The following KANSL3 variants were observed in gnomAD, a reference collection of about 807,000 sequenced individuals.
KANSL3 encodes KAT8 regulatory NSL complex subunit 3, also known as NSL complex protein NSL3.
In KANSL3, 16 loss-of-function variants were observed where a neutral mutation model predicts 89.2. That is an observed-to-expected ratio of 0.18 (90% CI 0.12 to 0.27). The LOEUF (loss-of-function observed/expected upper bound fraction) is 0.27. Ranked by LOEUF, KANSL3 falls within the 10% of genes least tolerant of loss-of-function variation. KANSL3 has a pLI of 1.00. For synonymous variants in KANSL3, 385 were observed against 419.7 expected (o/e 0.92, Z 1.01); for missense variants, 879 against 1,110.6 (o/e 0.79, Z 2.96).
Position 96,610,915 on chromosome 2 carries a change from C to G in KANSL3, c.1162-32G>C, listed in dbSNP as rs2068813131. On this transcript the variant is annotated intron_variant, in intron 10 of 20. Coordinates refer to ENST00000431828, the MANE Select transcript of KANSL3 (RefSeq NM_001115016.3). ...CAGGTATAGGTTTTAGAATCGGCTT[C>G]TTCATATTCACAAAGCACTGACCCA... 2.5e-6 allele frequency: 4 copies of G among 1,608,138 alleles called. No individual in the cohort carries two copies. In the African/African-American group the frequency reaches 5.4e-5, roughly 22 times the overall value.
At chr2:96,589,069 A>G (rs906254947), downstream of KANSL3, among the ~76,000 whole-genome samples, 1 of 152,214 alleles carries the variant, frequency 6.6e-6, no homozygotes, top group African/African-American at 2.4e-5. Flanking sequence ...CTAAAAAACT[A>G]TACAAGGAGA....
At chr2:96,598,938 A>G (rs1182612977) in intron 20 of KANSL3, among the ~76,000 whole-genome samples, 1 of 150,810 alleles carries the variant, frequency 6.6e-6, no homozygotes, top group Non-Finnish European at 1.5e-5. Context: ...AAAAAAAAGG[A>G]AATGTTTATC....
In KANSL3 at chr2:96,619,522, C is replaced by T; in HGVS notation, c.500G>A (p.Arg167His). Residue 167 changes from arginine to histidine, a missense_variant, in exon 5 of 21, where the codon CGC becomes CAC. By Grantham distance (29) the Arg-to-His change is conservative (BLOSUM62 0). This residue lies in a region of KANSL3 where 210 missense variants were observed against 311.9 expected (regional missense o/e 0.67). Coordinates refer to ENST00000431828, the MANE Select transcript of KANSL3 (RefSeq NM_001115016.3). ...NEGACNEPVLRRVAVDKCARR... is the reference protein window; with the variant it reads ...NEGACNEPVLHRVAVDKCARR... Reference sequence around the variant, plus strand: ...TGCACACTTGTCCACAGCAACACGGCGCAGCACTGGCTCATTACAAGCCTG... The same window carrying T: ...TGCACACTTGTCCACAGCAACACGGTGCAGCACTGGCTCATTACAAGCCTG... The T allele has an allele frequency of 6.2e-7, 1 of 1,613,900 alleles. No homozygotes were observed. Among genetic ancestry groups the T allele is most frequent in the Non-Finnish European group, 8.5e-7 (1 of 1,179,806 alleles).
the KANSL3 span, among the ~76,000 whole-genome samples, chr2:96,581,423 C>CAA: frequency 9.2e-6 from 1 of 108,878 alleles, no homozygotes. Flanking sequence ...GACTCCATCT[C>CAA]AAAAAAAAAA....
At position 96,602,226 on chromosome 2, in the gene KANSL3, G is replaced by A; in HGVS notation, c.2372C>T (p.Ala791Val). 6.2e-7 allele frequency: 1 copy of A among 1,610,662 alleles called. No individual in the cohort carries two copies. The highest frequency in any genetic ancestry group is 1.1e-5 in the South Asian group (1 of 90,072). The change falls in exon 19 of 21, where the codon GCC (alanine) becomes GTC (valine). Residue 791 changes from alanine (A) to valine (V), a missense_variant. Around this residue, in one of 6 missense-constraint regions of KANSL3, gnomAD observed 89 missense variants for 139.7 expected, o/e 0.64. Coordinates refer to ENST00000431828, the MANE Select transcript of KANSL3 (RefSeq NM_001115016.3). ...PVATTLSSLG[A>V]TPGGKPTAIH... ...GGCTGTGGGCTTCCCACCAGGAGTG[G>A]CACCCAAGGAGGAGAGAGTGGTGGC...
At chr2:96,633,943 G>C (rs1349575734) in intron 2 of KANSL3, among the ~76,000 whole-genome samples, 1 of 152,198 alleles carries the variant, frequency 6.6e-6, no homozygotes, top group Non-Finnish European at 1.5e-5. Flanking sequence ...ACACGTGGCG[G>C]CAGTTACCAC....
At chr2:96,591,049 T>C (rs573364752), downstream of KANSL3, among the ~76,000 whole-genome samples, 26 of 152,262 alleles carry the variant, frequency 1.7e-4, no homozygotes, top group African/African-American at 5.3e-4. Flanking sequence ...ATTGCCACAG[T>C]AGCTTTATCT....
At chr2:96,637,335 T>C in intron 1 of KANSL3, 150 bp from the exon 2 acceptor site, 3 of 474,668 alleles carry the variant, frequency 6.3e-6, no homozygotes, top group Non-Finnish European at 3.7e-6. Flanking sequence ...GTTCGTGGAA[T>C]CCCACACCAA....
downstream of KANSL3, among the ~76,000 whole-genome samples, chr2:96,589,761 A>G (rs2066260771): frequency 6.6e-6 from 1 of 152,150 alleles, no homozygotes; most frequent in South Asian, 2.1e-4. Flanking sequence ...CACAGAATAC[A>G]TACCAAGATA....
rs149746491 is a variant in KANSL3 at position 96,614,225 on chromosome 2, T to C, written c.664-606A>G. Among the ~76,000 whole-genome samples, 71 of 152,262 alleles carry C rather than the reference T, an allele frequency of 4.7e-4. No homozygotes were observed. In the East Asian group the frequency reaches 0.01, roughly 22 times the overall value. The stretch of plus-strand genomic sequence containing the variant: ...CTTGTTTCTCAGCCTCCCAAGTAGC[T>C]GAGATTACAGGCGTGCACCACCATA... On this transcript the variant is annotated intron_variant, in intron 5 of 20. Coordinates refer to ENST00000431828, the MANE Select transcript of KANSL3 (RefSeq NM_001115016.3).
intron 3 of KANSL3, among the ~76,000 whole-genome samples, chr2:96,624,663 A>G (rs1023641025): frequency 6.6e-6 from 1 of 152,100 alleles, no homozygotes; most frequent in Non-Finnish European, 1.5e-5. Context: ...CTAGGACTAC[A>G]GGTGCCCGCC....
At position 96,595,211 on chromosome 2, in the gene KANSL3, T is replaced by A. The variant is rs958728472; in HGVS notation, c.*400A>T. 1 of 162,990 alleles carries A rather than the reference T, an allele frequency of 6.1e-6. No individual in the cohort carries two copies. Among genetic ancestry groups the A allele is most frequent in the Non-Finnish European group, 1.3e-5 (1 of 74,790 alleles). 10.1% of individuals were successfully genotyped at this position (162,990 alleles called of 1,614,324 possible). On this transcript the variant is annotated 3_prime_UTR_variant, in exon 21 of 21. Coordinates refer to ENST00000431828, the MANE Select transcript of KANSL3 (RefSeq NM_001115016.3). Reference sequence around the variant, plus strand: ...CTAACTCCCGAAATCCCAGACCAGATGGATGTCTCCTCCCAACTAGGCGCA... The same window carrying A: ...CTAACTCCCGAAATCCCAGACCAGAAGGATGTCTCCTCCCAACTAGGCGCA...
chr2:96,600,976 T>G, intron 20 of KANSL3: 2 of 754,734 alleles, frequency 2.6e-6, no homozygotes, highest in Non-Finnish European at 3.2e-6. Context: ...GAGATATCTC[T>G]GTCTCCATGT....
Position 96,604,335 on chromosome 2 carries a change from T to C in KANSL3, c.2064A>G (p.Ser688=). The C allele has an allele frequency of 6.2e-7, 1 of 1,613,290 alleles. No homozygotes were observed. The highest frequency in any genetic ancestry group is 8.5e-7 in the Non-Finnish European group (1 of 1,179,886). The change falls in exon 17 of 21, where the codon TCA becomes TCG. Residue 688 remains serine, a synonymous_variant. Transcript: ENST00000431828. ...EGGVSASPVP[S]VVSSSTAPSA... The stretch of plus-strand genomic sequence containing the variant: ...TGGGTGCAGTGCTGCTGGAGACCAC[T>C]GAAGGGACTGGGCTGGCTGAGACTC...
Position 96,601,696 on chromosome 2 carries a change from C to T in KANSL3, c.2563G>A (p.Gly855Arg). The change falls in exon 20 of 21, where the codon GGA becomes AGA. Residue 855 changes from glycine to arginine, a missense_variant. Coordinates refer to ENST00000431828, the MANE Select transcript of KANSL3 (RefSeq NM_001115016.3). Reference protein sequence around the residue: ...RITTLSPMGSGAAPSEESSSQ... With the variant: ...RITTLSPMGSRAAPSEESSSQ... ...GAGGACTCCTCGGATGGGGCTGCTC[C>T]TGAGCCCATAGGGCTCAGTGTAGTG... The T allele has an allele frequency of 1.9e-6, 3 of 1,613,388 alleles. No individual in the cohort carries two copies. Among genetic ancestry groups the T allele is most frequent in the Non-Finnish European group, 2.5e-6 (3 of 1,179,612 alleles).
At chr2:96,588,007 G>T in the KANSL3 span, among the ~76,000 whole-genome samples, 1 of 152,138 alleles carries the variant, frequency 6.6e-6, no homozygotes, top group South Asian at 2.1e-4. Context: ...AGAGCCTGAG[G>T]GTGCTGTAGG....
intron 5 of KANSL3, among the ~76,000 whole-genome samples, chr2:96,617,735 C>T (rs898736125): frequency 3.3e-5 from 5 of 151,750 alleles, no homozygotes; most frequent in African/African-American, 7.3e-5. Context: ...CGGCAGCTCA[C>T]GCCTGTAATC....
At chr2:96,584,528 C>T in the KANSL3 span, among the ~76,000 whole-genome samples, 3 of 152,122 alleles carry the variant, frequency 2.0e-5, no homozygotes. Flanking sequence ...TTATAGTCAG[C>T]CTATAGTGTT....
the KANSL3 span, among the ~76,000 whole-genome samples, chr2:96,585,315 CA>C: frequency 5.9e-5 from 9 of 152,034 alleles, no homozygotes; most frequent in Non-Finnish European, 1.2e-4. Flanking sequence ...ACAAAAAGGG[CA>C]AGGGACATTA....
Sources: gnomAD v4.1 joint callset for allele counts (sites outside exome capture counted in the v4.1 genomes callset) on GRCh38, gnomAD v4.1.1 for gene constraint, gnomAD v4.1.1 regional missense constraint, MANE v1.5 for transcripts, NCBI Gene and HGNC (gene_info 2026-07-23, HGNC 2026-07-21) for gene names.